The following UNC80 variants were observed in gnomAD, a reference collection of about 807,000 sequenced individuals.
The protein encoded by UNC80 is unc-80 subunit of NALCN channel complex.
Under a neutral mutation model 384.6 loss-of-function variants are expected in UNC80, and 164 were observed. The ratio of observed to expected loss-of-function variants is 0.43; its 90% confidence interval spans 0.38 to 0.49. UNC80 has a LOEUF of 0.49. UNC80 is among the 20% of genes least tolerant of loss of function. The pLI is 0.00. For synonymous variants in UNC80, 1,486 were observed against 1,527.8 expected (o/e 0.97, Z 0.64); for missense variants, 3,330 against 4,143.0 (o/e 0.80, Z 5.39).
At chr2:209,827,653 GAT>G (rs1213513400) in intron 14 of UNC80, among the ~76,000 whole-genome samples, 3 of 152,268 alleles carry the variant, frequency 2.0e-5, no homozygotes, top group Non-Finnish European at 2.9e-5. Context: ...TTGTCCAAGA[GAT>G]ATAAATATGG....
rs934288313 is a variant in UNC80, at chr2:209,992,473, G to GT, written c.9396+236dup. Reference sequence around the variant, plus strand: ...AAACTAACTAAATAAATAAAACAATGTTTTTTTTTTAAAGTTTATATTTTG... The same window carrying GT: ...AAACTAACTAAATAAATAAAACAATGTTTTTTTTTTTAAAGTTTATATTTTG... On this transcript the variant is annotated intron_variant, in intron 62 of 64. Coordinates refer to ENST00000673920, the MANE Select transcript of UNC80 (RefSeq NM_001371986.1). 5.7e-4 allele frequency among the ~76,000 whole-genome samples: 85 copies of GT among 149,878 alleles called. No homozygotes were observed. In the East Asian group the frequency reaches 0.011, roughly 19 times the overall value.
intron 30 of UNC80, 91 bp downstream of exon 30, chr2:209,912,758 A>C (rs571099037): frequency 2.3e-6 from 2 of 859,122 alleles, no homozygotes; most frequent in East Asian, 5.6e-5. Context: ...GACATACAAC[A>C]TCAGTTGGTA....
chr2:209,919,681 T>G (rs2089875467), intron 33 of UNC80, among the ~76,000 whole-genome samples: 1 of 152,198 alleles, frequency 6.6e-6, no homozygotes, highest in Non-Finnish European at 1.5e-5. Context: ...TTAAACTCTT[T>G]CCCATCACAA....
At position 209,948,491 on chromosome 2, in the gene UNC80, A is replaced by G. The variant is rs771794489; in HGVS notation, c.7286+2548A>G. Among the ~76,000 whole-genome samples, 36 of 152,296 alleles carry G rather than the reference A, an allele frequency of 2.4e-4. No homozygotes were observed. The Middle Eastern group carries it at 0.01, about 43-fold the overall frequency. On this transcript the variant is annotated intron_variant, in intron 47 of 64. Transcript: ENST00000673920. The stretch of plus-strand genomic sequence containing the variant: ...GGACATCTCCTTTTGCAAAGTGCCT[A>G]CTGAAGTCTTCTGCCCATTTTTAAA...
At chr2:209,825,793 G>A (rs894025379) in intron 13 of UNC80, 114 bp from the exon 14 acceptor site, 6 of 971,472 alleles carry the variant, frequency 6.2e-6, no homozygotes, top group African/African-American at 1.7e-5. Flanking sequence ...CCAAATTGCA[G>A]GTGCTCCCTG....
rs2093004961 is a variant in UNC80, at chr2:209,976,046, G to A, written c.8588-73G>A. ...AGAAAATTTCTAAAGGTGCATAAAGGGCTCTGGATGTAGGTTGGGTTCCTC... is the reference window on the plus strand; with the variant it reads ...AGAAAATTTCTAAAGGTGCATAAAGAGCTCTGGATGTAGGTTGGGTTCCTC... On this transcript the variant is annotated intron_variant, in intron 56 of 64. Coordinates refer to ENST00000673920, the MANE Select transcript of UNC80 (RefSeq NM_001371986.1). The surrounding 1 kb of genome is among the most constrained non-coding windows in gnomAD (Gnocchi z 4.3). The A allele has an allele frequency of 6.9e-7, 1 of 1,446,008 alleles. No individual in the cohort carries two copies. The highest frequency in any genetic ancestry group is 1.4e-5 in the African/African-American group (1 of 69,246). 89.6% of individuals were successfully genotyped at this position (1,446,008 alleles called of 1,614,324 possible).
rs1272896211 is a variant in UNC80 at position 209,917,781 on chromosome 2, C to T, written c.5034C>T (p.Ala1678=). The change falls in exon 32 of 65, where the codon GCC becomes GCT. Residue 1678 remains alanine, a synonymous_variant. Coordinates refer to ENST00000673920, the MANE Select transcript of UNC80 (RefSeq NM_001371986.1). ...TGAATTGTTGACTGTCTCTAGCTGC[C>T]ATGTTCCTGCTGTGTGCAGTGAAGG... ...MDEHMAGAAA[A]MFLLCAVKVP... 7 of 1,552,012 alleles carry T rather than the reference C, an allele frequency of 4.5e-6. No individual in the cohort carries two copies. The East Asian group carries it at 1.5e-4, about 33-fold the overall frequency.
In UNC80 at chr2:209,912,612, A is replaced by G; in HGVS notation, c.4835A>G (p.Asp1612Gly). 6.4e-7 allele frequency: 1 copy of G among 1,551,630 alleles called. No individual in the cohort carries two copies. Among genetic ancestry groups the G allele is most frequent in the Non-Finnish European group, 8.7e-7 (1 of 1,146,906 alleles). Residue 1612 changes from aspartate to glycine, a missense_variant, in exon 30 of 65, where the codon GAT becomes GGT. Physicochemically the swap from Asp to Gly is moderately conservative, Grantham distance 94 (BLOSUM62 -1). Transcript: ENST00000673920. Reference protein sequence around the residue: ...RTPSLKKRVSDANLEGKKDSG... With the variant: ...RTPSLKKRVSGANLEGKKDSG... ...CCTTCTCTAAAGAAGAGAGTTTCAG[A>G]TGCCAATCTGGAAGGAAAAAAAGAT...
Position 209,970,875 on chromosome 2 carries a change from C to G in UNC80, c.8174C>G (p.Pro2725Arg). The change falls in exon 54 of 65, where the codon CCC becomes CGC. Residue 2725 changes from proline (P) to arginine (R), a missense_variant. Pro to Arg is a moderately radical substitution (Grantham distance 103). Transcript: ENST00000673920. ...VGPSSVADGL[P>R]LLHLSPYLSP... ...CCTTCCAGTGTTGCTGATGGATTAC[C>G]CCTTCTTCATCTCAGCCCTTATCTC... 6.4e-7 allele frequency: 1 copy of G among 1,551,574 alleles called. No individual in the cohort carries two copies. Among genetic ancestry groups the G allele is most frequent in the Non-Finnish European group, 8.7e-7 (1 of 1,146,968 alleles).
chr2:209,914,000 T>C, intron 31 of UNC80, 60 bp downstream of exon 31: 1 of 1,480,746 alleles, frequency 6.8e-7, no homozygotes, highest in Admixed American at 2.5e-5. Context: ...GATCCAAGTG[T>C]TTAAATAAGA....
At chr2:209,793,947 C>T in intron 7 of UNC80, 88 bp downstream of exon 7, 1 of 1,477,778 alleles carries the variant, frequency 6.8e-7, no homozygotes, top group African/African-American at 1.4e-5. Flanking sequence ...AGCCTCTGTT[C>T]CTTAAAATAT....
intron 22 of UNC80, among the ~76,000 whole-genome samples, chr2:209,859,815 G>A (rs923546580): frequency 2.6e-5 from 4 of 152,084 alleles, no homozygotes; most frequent in African/African-American, 9.7e-5. Context: ...TTTGTTGGCT[G>A]CATAATGTCT....
intron 33 of UNC80, among the ~76,000 whole-genome samples, chr2:209,919,010 G>T (rs1034705987): frequency 6.6e-6 from 1 of 151,918 alleles, no homozygotes; most frequent in East Asian, 1.9e-4. Context: ...AAGGACCCTG[G>T]CCCTGAAAAA....
chr2:209,948,844 A>G lies in UNC80; in HGVS notation c.7286+2901A>G, dbSNP rs968889021. On this transcript the variant is annotated intron_variant, in intron 47 of 64. Coordinates refer to ENST00000673920, the MANE Select transcript of UNC80 (RefSeq NM_001371986.1). ...GATTAAGGAAGTAATTTTATTACTC[A>G]TTAAGAAATTAATTATTAAGGAGTC... 4.6e-5 allele frequency among the ~76,000 whole-genome samples: 7 copies of G among 152,196 alleles called. No homozygotes were observed. In the East Asian group the frequency reaches 1.2e-3, roughly 25 times the overall value.
chr2:209,905,326 G>GA (rs2088055000), intron 29 of UNC80, among the ~76,000 whole-genome samples: 1 of 152,164 alleles, frequency 6.6e-6, no homozygotes, highest in Non-Finnish European at 1.5e-5. Flanking sequence ...AGGTTTTGCA[G>GA]ATGTGATTGA....
intron 6 of UNC80, among the ~76,000 whole-genome samples, chr2:209,790,824 T>C (rs1559094978): frequency 6.6e-6 from 1 of 152,196 alleles, no homozygotes. Context: ...GAAATATAAT[T>C]AAAAAGCTGT....
intron 35 of UNC80, among the ~76,000 whole-genome samples, chr2:209,924,231 C>T (rs1012642440): frequency 6.6e-6 from 1 of 152,092 alleles, no homozygotes; most frequent in Non-Finnish European, 1.5e-5. Context: ...TGTGGAAACT[C>T]TGCAAATCAA....
intron 26 of UNC80, among the ~76,000 whole-genome samples, chr2:209,888,563 CTT>C (rs1459634973): frequency 1.3e-5 from 2 of 151,984 alleles, no homozygotes; most frequent in Admixed American, 1.3e-4. Flanking sequence ...ATAATGCTCT[CTT>C]ATCACTTAGC....
chr2:209,939,212 A>G lies in UNC80; in HGVS notation c.6466-260A>G, dbSNP rs541794379. Among the ~76,000 whole-genome samples, 4 of 152,256 alleles carry G rather than the reference A, an allele frequency of 2.6e-5. No individual in the cohort carries two copies. In the East Asian group the frequency reaches 7.7e-4, roughly 29 times the overall value. On this transcript the variant is annotated intron_variant, in intron 42 of 64. Coordinates refer to ENST00000673920, the MANE Select transcript of UNC80 (RefSeq NM_001371986.1). ...AACTAATCTTGACAATGCTTGCCTT[A>G]TGCTCCTCTCCAGCCTAAAACTCCA... is the stretch of plus-strand genomic sequence containing the variant.
Sources: allele counts gnomAD v4.1 joint callset (sites outside exome capture counted in the v4.1 genomes callset), GRCh38; gene constraint gnomAD v4.1.1; non-coding constraint Gnocchi (gnomAD v3.1); transcripts MANE v1.5; gene names NCBI Gene and HGNC (gene_info 2026-07-23, HGNC 2026-07-21).